Variants in FUT9 observed in about 807,000 individuals in gnomAD.
The protein encoded by FUT9 is fucosyltransferase 9.
A neutral mutation model predicts 29.7 loss-of-function variants in FUT9; 15 were observed. The ratio of observed to expected loss-of-function variants is 0.51; its 90% confidence interval spans 0.34 to 0.78. The LOEUF is 0.78. FUT9 is among the 30% of genes least tolerant of loss of function. The pLI, the probability that FUT9 is intolerant of heterozygous loss-of-function variation, is 0.01. For synonymous variants in FUT9, 169 were observed against 153.7 expected (o/e 1.10, Z -0.74); for missense variants, 319 against 425.4 (o/e 0.75, Z 2.20).
At position 96,196,435 on chromosome 6, in the gene FUT9, C is replaced by T. The variant is rs150135444; in HGVS notation, c.-8-6713C>T. 6.2e-4 allele frequency among the ~76,000 whole-genome samples: 95 copies of T among 152,108 alleles called. 1 individual carries two copies. Among genetic ancestry groups the T allele is most frequent in the African/African-American group, 1.7e-3 (70 of 41,498 alleles). Reference sequence around the variant, plus strand: ...CTAATAATAATAAACAAAGGAGGGACGGGCGCAGTGGCTCACGCCTGTAAC... The same window carrying T: ...CTAATAATAATAAACAAAGGAGGGATGGGCGCAGTGGCTCACGCCTGTAAC... On this transcript the variant is annotated intron_variant, in intron 2 of 2. Coordinates refer to ENST00000302103, the MANE Select transcript of FUT9 (RefSeq NM_006581.4).
rs1582308075 is a variant in FUT9, at chr6:96,203,232, T to G, written c.77T>G (p.Leu26Arg). The change falls in exon 3 of 3, where the codon CTT becomes CGT. Residue 26 changes from leucine to arginine, a missense_variant. By Grantham distance (102) the Leu-to-Arg change is moderately radical (BLOSUM62 -2). Transcript: ENST00000302103. ...ATCCTGGGCTGTTTCATGGCATGTCTTCTCATTTACATCAAACCTACCAAC... is the reference window on the plus strand; with the variant it reads ...ATCCTGGGCTGTTTCATGGCATGTCGTCTCATTTACATCAAACCTACCAAC... ...CIILGCFMAC[L>R]LIYIKPTNSW... 2 of 1,613,704 alleles carry G rather than the reference T, an allele frequency of 1.2e-6. No individual in the cohort carries two copies. Among genetic ancestry groups the G allele is most frequent in the East Asian group, 2.2e-5 (1 of 44,860 alleles).
At chr6:96,150,286 CAA>C (rs1176036469) in intron 2 of FUT9, among the ~76,000 whole-genome samples, 1 of 152,102 alleles carries the variant, frequency 6.6e-6, no homozygotes, top group African/African-American at 2.4e-5. Flanking sequence ...TCATTGTAAA[CAA>C]AGTGGCATTT....
At chr6:96,085,985 T>A (rs1296968508) in intron 1 of FUT9, among the ~76,000 whole-genome samples, 1 of 152,148 alleles carries the variant, frequency 6.6e-6, no homozygotes, top group East Asian at 1.9e-4. Context: ...GTAAAATTAC[T>A]TATTCATCAG....
At chr6:96,189,081 G>A (rs997984447) in intron 2 of FUT9, among the ~76,000 whole-genome samples, 4 of 152,154 alleles carry the variant, frequency 2.6e-5, no homozygotes, top group African/African-American at 9.7e-5. Context: ...TTGATTTAGT[G>A]TGTTGGGGGA....
At chr6:96,041,989 C>T (rs1330160439) in intron 1 of FUT9, among the ~76,000 whole-genome samples, 2 of 152,126 alleles carry the variant, frequency 1.3e-5, no homozygotes, top group East Asian at 1.9e-4. Context: ...TGAACTTTAT[C>T]ATCAAATTGT....
At chr6:96,027,753 G>T (rs1184304203) in intron 1 of FUT9, among the ~76,000 whole-genome samples, 1 of 151,498 alleles carries the variant, frequency 6.6e-6, no homozygotes, top group Non-Finnish European at 1.5e-5. Flanking sequence ...TTCTTTATTT[G>T]TTGGTTATTC....
intron 2 of FUT9, among the ~76,000 whole-genome samples, chr6:96,121,581 T>G (rs1336737443): frequency 6.6e-6 from 1 of 152,192 alleles, no homozygotes; most frequent in Non-Finnish European, 1.5e-5. Flanking sequence ...TTTCTTGCTA[T>G]CCTTATAAAG....
chr6:96,151,588 T>A (rs1312967889), intron 2 of FUT9, among the ~76,000 whole-genome samples: 1 of 152,172 alleles, frequency 6.6e-6, no homozygotes, highest in Non-Finnish European at 1.5e-5. Flanking sequence ...TATATGCTAG[T>A]TCACTGGAAG....
intron 2 of FUT9, among the ~76,000 whole-genome samples, chr6:96,125,558 A>G (rs1772118682): frequency 6.6e-6 from 1 of 152,180 alleles, no homozygotes; most frequent in African/African-American, 2.4e-5. Context: ...TCTAACAGGG[A>G]TTAATATTAT....
chr6:96,181,464 T>C (rs1773306496), intron 2 of FUT9, among the ~76,000 whole-genome samples: 1 of 151,804 alleles, frequency 6.6e-6, no homozygotes, highest in Non-Finnish European at 1.5e-5. Flanking sequence ...TCATAGGTTA[T>C]TGGGGGAACA....
chr6:96,107,692 T>C (rs1771717935), intron 1 of FUT9, among the ~76,000 whole-genome samples: 1 of 152,226 alleles, frequency 6.6e-6, no homozygotes, highest in Non-Finnish European at 1.5e-5. Flanking sequence ...TCTTAAGACA[T>C]TGATGTTTGT....
chr6:96,097,238 G>T (rs577072847), intron 1 of FUT9, among the ~76,000 whole-genome samples: 4 of 152,306 alleles, frequency 2.6e-5, no homozygotes, highest in Non-Finnish European at 5.9e-5. Context: ...AGTTTTAGTC[G>T]TCTTTATAAC....
At chr6:96,021,887 G>A (rs917578523) in intron 1 of FUT9, among the ~76,000 whole-genome samples, 3 of 151,924 alleles carry the variant, frequency 2.0e-5, no homozygotes, top group Non-Finnish European at 4.4e-5. Context: ...TACTATAGTA[G>A]GAATAGCTTA....
At chr6:96,092,946 A>G (rs1771436053) in intron 1 of FUT9, among the ~76,000 whole-genome samples, 1 of 151,938 alleles carries the variant, frequency 6.6e-6, no homozygotes, top group South Asian at 2.1e-4. Flanking sequence ...TTTTAAAAAA[A>G]TCATAGAGAC....
intron 1 of FUT9, among the ~76,000 whole-genome samples, chr6:96,039,541 G>A (rs1168468997): frequency 1.3e-5 from 2 of 151,998 alleles, no homozygotes; most frequent in Admixed American, 1.3e-4. Context: ...CTTCAGGCCT[G>A]TGCATGTGAT....
intron 1 of FUT9, among the ~76,000 whole-genome samples, chr6:96,103,488 C>A (rs191720662): frequency 6.6e-6 from 1 of 152,262 alleles, no homozygotes; most frequent in African/African-American, 2.4e-5. Context: ...AACATTTATT[C>A]TTTCACAATT....
At chr6:96,076,175 GC>G (rs1345823702) in intron 1 of FUT9, among the ~76,000 whole-genome samples, 3 of 152,076 alleles carry the variant, frequency 2.0e-5, no homozygotes, top group Admixed American at 6.5e-5. Context: ...CATAAAGAAT[GC>G]TTGCATGTTT....
At chr6:96,131,280 T>C (rs1396274914) in intron 2 of FUT9, among the ~76,000 whole-genome samples, 1 of 152,272 alleles carries the variant, frequency 6.6e-6, no homozygotes, top group South Asian at 2.1e-4. Context: ...AAAATTCAAC[T>C]ATCTAGCATT....
At position 96,179,784 on chromosome 6, in the gene FUT9, G is replaced by A. The variant is rs572880393; in HGVS notation, c.-8-23364G>A. On this transcript the variant is annotated intron_variant, in intron 2 of 2. Transcript: ENST00000302103. ...AAAAAATATGTTTTCAGAAATTGAAGGTCAAAGAGGGGCAAAGTACATCAG... is the reference window on the plus strand; with the variant it reads ...AAAAAATATGTTTTCAGAAATTGAAAGTCAAAGAGGGGCAAAGTACATCAG... 5.9e-5 allele frequency among the ~76,000 whole-genome samples: 9 copies of A among 151,924 alleles called. No homozygotes were observed. The East Asian group carries it at 1.6e-3, about 26-fold the overall frequency.
Sources: allele counts gnomAD v4.1 joint callset (sites outside exome capture counted in the v4.1 genomes callset), GRCh38; gene constraint gnomAD v4.1.1; transcripts MANE v1.5; gene names NCBI Gene and HGNC (gene_info 2026-07-23, HGNC 2026-07-21).